The following ANP32B variants were observed in gnomAD, a reference collection of about 807,000 sequenced individuals.
The protein encoded by ANP32B is acidic leucine-rich nuclear phosphoprotein 32 family member B.
ANP32B carries 6 observed loss-of-function variants against 32.2 expected under a neutral mutation model. The observed-to-expected ratio is 0.19, with a 90% confidence interval of 0.10 to 0.37. The LOEUF is 0.37. ANP32B is among the 10% of genes least tolerant of loss of function. The probability of loss-of-function intolerance (pLI) is 1.00; values close to 1 mark genes in which losing one functional copy is unlikely to be tolerated. For synonymous variants in ANP32B, 98 were observed against 105.8 expected (o/e 0.93, Z 0.45); for missense variants, 204 against 289.2 (o/e 0.71, Z 2.14).
At chr9:97,985,332 G>A (rs1472398270) in intron 1 of ANP32B, among the ~76,000 whole-genome samples, 1 of 152,122 alleles carries the variant, frequency 6.6e-6, no homozygotes, top group Non-Finnish European at 1.5e-5. Context: ...CGCGGGGCGG[G>A]CCGGGCTCCA....
At chr9:98,007,506 A>C (rs1047958779) in intron 4 of ANP32B, among the ~76,000 whole-genome samples, 3 of 152,238 alleles carry the variant, frequency 2.0e-5, no homozygotes, top group Admixed American at 2.0e-4. Context: ...TTTCAGGAGG[A>C]TGTGCATGAG....
At chr9:97,991,792 T>C (rs1224459018) in intron 1 of ANP32B, among the ~76,000 whole-genome samples, 2 of 152,224 alleles carry the variant, frequency 1.3e-5, no homozygotes, top group Non-Finnish European at 2.9e-5. Context: ...GCATTATTTA[T>C]AGTAGGGAAA....
chr9:97,984,914 T>G (rs1258669455), intron 1 of ANP32B, among the ~76,000 whole-genome samples: 1 of 150,674 alleles, frequency 6.6e-6, no homozygotes, highest in Non-Finnish European at 1.5e-5. Flanking sequence ...CCCACGTGCT[T>G]GAGAGCGGCC....
At chr9:98,002,170 A>G (rs1828004758) in intron 3 of ANP32B, 1 of 152,134 alleles carries the variant, frequency 6.6e-6, no homozygotes, top group East Asian at 1.9e-4. Context: ...AGTGGGGAAA[A>G]ACACCATCCT....
At chr9:97,998,050 C>T (rs1337858217) in intron 2 of ANP32B, among the ~76,000 whole-genome samples, 2 of 152,326 alleles carry the variant, frequency 1.3e-5, no homozygotes, top group Non-Finnish European at 2.9e-5. Context: ...ACTTGTAGGG[C>T]CCGTTCCTCT....
intron 1 of ANP32B, among the ~76,000 whole-genome samples, chr9:97,993,408 C>T (rs934391060): frequency 1.3e-5 from 2 of 152,082 alleles, no homozygotes; most frequent in African/African-American, 2.4e-5. Context: ...TCAGCATCTC[C>T]CTACTGTATA....
rs552556514 is a variant in ANP32B at position 97,985,565 on chromosome 9, G to T, written c.54+1956G>T. Among the ~76,000 whole-genome samples the T allele has an allele frequency of 9.9e-4, 151 of 152,282 alleles. 1 individual carries two copies. Among genetic ancestry groups the T allele is most frequent in the Non-Finnish European group, 1.2e-3 (84 of 68,022 alleles). ...TCCATTGCGGCGTAATTGCAAATCC[G>T]TAGAATATGGAGTAGCTAAAATTAG... On this transcript the variant is annotated intron_variant, in intron 1 of 6. Transcript: ENST00000339399.
chr9:97,996,573 T>C (rs1827909176), intron 2 of ANP32B, among the ~76,000 whole-genome samples: 1 of 152,184 alleles, frequency 6.6e-6, no homozygotes, highest in African/African-American at 2.4e-5. Flanking sequence ...TTTCTTCCTA[T>C]TCCAGAACAC....
intron 2 of ANP32B, among the ~76,000 whole-genome samples, chr9:97,997,295 A>G (rs776213627): frequency 2.0e-5 from 3 of 152,148 alleles, no homozygotes; most frequent in Non-Finnish European, 4.4e-5. Context: ...GAAATGTTAC[A>G]TTTTCTTCTT....
Position 98,012,453 on chromosome 9 carries a change from AGATGAG to A in ANP32B, c.681_686del (p.Asp228_Glu229del), listed in dbSNP as rs775219565. The stretch of plus-strand genomic sequence containing the variant: ...AATTTGGACTTGATGAAGAAGATGA[AGATGAG>A]GATGAGGATGAAGGTGGGCCTAATG... On this transcript the variant is annotated inframe_deletion, in exon 6 of 7. Transcript: ENST00000339399. The A allele has an allele frequency of 6.8e-6, 11 of 1,612,400 alleles. No homozygotes were observed. The highest frequency in any genetic ancestry group is 3.3e-5 in the South Asian group (3 of 90,686).
chr9:97,993,768 T>A (rs1402514493), intron 1 of ANP32B, among the ~76,000 whole-genome samples: 1 of 152,196 alleles, frequency 6.6e-6, no homozygotes, highest in Non-Finnish European at 1.5e-5. Context: ...CCCAAGTAGC[T>A]GGGATTACAG....
chr9:97,993,263 G>C (rs1335047627), intron 1 of ANP32B, among the ~76,000 whole-genome samples: 1 of 152,138 alleles, frequency 6.6e-6, no homozygotes, highest in Non-Finnish European at 1.5e-5. Flanking sequence ...CTGTAAATGG[G>C]GGAAGGAGAG....
chr9:97,994,897 A>G, intron 2 of ANP32B, 117 bp downstream of exon 2: 1 of 1,004,934 alleles, frequency 1.0e-6, no homozygotes, highest in Non-Finnish European at 1.4e-6. Flanking sequence ...GGAACTGGGC[A>G]GATATGGGAT....
At chr9:98,008,448 T>A (rs1002425889) in intron 4 of ANP32B, among the ~76,000 whole-genome samples, 12 of 152,368 alleles carry the variant, frequency 7.9e-5, no homozygotes, top group Middle Eastern at 3.4e-3. Flanking sequence ...GTCAATCGAC[T>A]TTGTTCATGC....
chr9:98,005,342 T>C, intron 4 of ANP32B, 189 bp downstream of exon 4: 1 of 409,756 alleles, frequency 2.4e-6, no homozygotes, highest in Non-Finnish European at 4.3e-6. Context: ...ACCTTGTTTC[T>C]ACAGAAAATA....
intron 2 of ANP32B, among the ~76,000 whole-genome samples, chr9:97,996,510 G>A (rs190189481): frequency 1.5e-4 from 23 of 152,032 alleles, no homozygotes; most frequent in Admixed American, 1.0e-3. Flanking sequence ...CTAATGAGAG[G>A]GAATCATACT....
chr9:97,985,336 G>A (rs1415561344), intron 1 of ANP32B, among the ~76,000 whole-genome samples: 1 of 152,168 alleles, frequency 6.6e-6, no homozygotes, highest in African/African-American at 2.4e-5. Context: ...GGGCGGGCCG[G>A]GCTCCACCGC....
chr9:98,007,589 A>C (rs1445333531), intron 4 of ANP32B, among the ~76,000 whole-genome samples: 1 of 152,202 alleles, frequency 6.6e-6, no homozygotes, highest in African/African-American at 2.4e-5. Flanking sequence ...GAACGATTAC[A>C]TATCAGGAAA....
chr9:97,985,683 G>A (rs978874189), intron 1 of ANP32B, among the ~76,000 whole-genome samples: 2 of 152,324 alleles, frequency 1.3e-5, no homozygotes, highest in Admixed American at 1.3e-4. Flanking sequence ...CAAACTAAAG[G>A]TCTTTTAAAA....
Sources: gnomAD v4.1 joint callset for allele counts (sites outside exome capture counted in the v4.1 genomes callset) on GRCh38, gnomAD v4.1.1 for gene constraint, MANE v1.5 for transcripts, NCBI Gene and HGNC (gene_info 2026-07-23, HGNC 2026-07-21) for gene names.